AKAP19: variants seen among roughly 807,000 people sequenced by gnomAD.
AKAP19 encodes the protein small A-kinase anchoring protein.
chr2:189,892,448 G>T, the AKAP19 span, among the ~76,000 whole-genome samples: 1 of 152,140 alleles, frequency 6.6e-6, no homozygotes, highest in African/African-American at 2.4e-5. Flanking sequence ...TGATGTTGAT[G>T]CTATTCCTTT....
chr2:190,053,347 G>GA, the AKAP19 span, among the ~76,000 whole-genome samples: 1 of 152,002 alleles, frequency 6.6e-6, no homozygotes, highest in African/African-American at 2.4e-5. Flanking sequence ...TGTAATCTAG[G>GA]AAAAAATATT....
At chr2:190,158,221 G>A in the AKAP19 span, among the ~76,000 whole-genome samples, 5 of 152,164 alleles carry the variant, frequency 3.3e-5, no homozygotes, top group African/African-American at 4.8e-5. Flanking sequence ...CGGGGAGCTC[G>A]GATTTTAAGG....
At chr2:190,162,131 C>T in the AKAP19 span, among the ~76,000 whole-genome samples, 505 of 152,096 alleles carry the variant, frequency 3.3e-3, 2 homozygotes, top group African/African-American at 0.012. Context: ...CATAATTTTA[C>T]CCTTACCTTC....
chr2:190,169,905 G>A, the AKAP19 span, among the ~76,000 whole-genome samples: 1 of 152,232 alleles, frequency 6.6e-6, no homozygotes, highest in Non-Finnish European at 1.5e-5. Context: ...AATTAAGCCT[G>A]CCAAGACACT....
chr2:189,948,365 G>GC, the AKAP19 span, among the ~76,000 whole-genome samples: 1 of 151,396 alleles, frequency 6.6e-6, no homozygotes, highest in Non-Finnish European at 1.5e-5. Flanking sequence ...ACATATGCCT[G>GC]TTTTTTTTGC....
At chr2:190,088,265 T>A in the AKAP19 span, among the ~76,000 whole-genome samples, 1 of 150,986 alleles carries the variant, frequency 6.6e-6, no homozygotes, top group Non-Finnish European at 1.5e-5. Flanking sequence ...ATTTAAGGAG[T>A]GGAGAAAGAG....
the AKAP19 span, among the ~76,000 whole-genome samples, chr2:189,973,210 C>T: frequency 2.0e-5 from 3 of 152,132 alleles, no homozygotes; most frequent in Non-Finnish European, 4.4e-5. Flanking sequence ...TGAATTTTGT[C>T]AAAGGCCTTT....
the AKAP19 span, among the ~76,000 whole-genome samples, chr2:189,981,195 TG>T: frequency 6.6e-6 from 1 of 152,158 alleles, no homozygotes; most frequent in East Asian, 1.9e-4. Context: ...GCTCCAATGT[TG>T]GGTGTATATT....
At chr2:189,920,403 C>A in the AKAP19 span, among the ~76,000 whole-genome samples, 6 of 152,160 alleles carry the variant, frequency 3.9e-5, no homozygotes, top group African/African-American at 1.4e-4. Context: ...AAGTAGAGAG[C>A]ATTATGTTGT....
chr2:190,199,560 G>T, the AKAP19 span: 1 of 314,304 alleles, frequency 3.2e-6, no homozygotes, highest in Non-Finnish European at 5.5e-6. Context: ...TTCTTCTACT[G>T]ATAAGATAAA....
At chr2:190,197,516 T>G in the AKAP19 span, among the ~76,000 whole-genome samples, 1 of 152,290 alleles carries the variant, frequency 6.6e-6, no homozygotes, top group East Asian at 1.9e-4. This position sits in a 1 kb window ranked among gnomAD's most constrained non-coding sequence, Gnocchi z 4.0. Context: ...TTGAACTCTA[T>G]CTTATAAATT....
At chr2:190,185,261 A>G in the AKAP19 span, among the ~76,000 whole-genome samples, 2 of 152,202 alleles carry the variant, frequency 1.3e-5, no homozygotes, top group African/African-American at 4.8e-5. Context: ...GGGAGGAAAA[A>G]AGCTGTCCTC....
the AKAP19 span, among the ~76,000 whole-genome samples, chr2:190,095,222 A>G: frequency 6.6e-6 from 1 of 151,660 alleles, no homozygotes; most frequent in Non-Finnish European, 1.5e-5. Context: ...ACTCTGTCTC[A>G]AAAAAAAAGT....
At chr2:190,157,393 C>CACACACACAT in the AKAP19 span, among the ~76,000 whole-genome samples, 996 of 149,294 alleles carry the variant, frequency 6.7e-3, 20 homozygotes, top group Admixed American at 0.031. Context: ...CACACACACA[C>CACACACACAT]ATATCACAGG....
chr2:190,195,942 T>TTTC, the AKAP19 span, among the ~76,000 whole-genome samples: 160 of 13,868 alleles, frequency 0.012, 1 homozygote, highest in Non-Finnish European at 0.019. Context: ...TGTGTCCAGC[T>TTTC]TTTTTTTTTT....
chr2:190,023,697 C>A, the AKAP19 span, among the ~76,000 whole-genome samples: 1 of 150,526 alleles, frequency 6.6e-6, no homozygotes, highest in Non-Finnish European at 1.5e-5. Context: ...ATTATCTTGC[C>A]AGAAATTTAA....
chr2:190,025,716 G>A, the AKAP19 span, among the ~76,000 whole-genome samples: 1 of 152,146 alleles, frequency 6.6e-6, no homozygotes, highest in African/African-American at 2.4e-5. Context: ...AGATGCCATC[G>A]ATATAACTGA....
At chr2:190,195,451 G>A in the AKAP19 span, among the ~76,000 whole-genome samples, 1 of 152,196 alleles carries the variant, frequency 6.6e-6, no homozygotes, top group South Asian at 2.1e-4. Flanking sequence ...CAGTGAATGA[G>A]AGTTCTGTTG....
chr2:190,091,547 A>ACACACACACACACACACACAC, the AKAP19 span, among the ~76,000 whole-genome samples: 6 of 150,394 alleles, frequency 4.0e-5, no homozygotes, highest in Non-Finnish European at 7.4e-5. Flanking sequence ...TCTTTTGTTA[A>ACACACACACACACACACACAC]ACACACACAC....
Sources: allele counts gnomAD v4.1 joint callset (sites outside exome capture counted in the v4.1 genomes callset), GRCh38; gene constraint gnomAD v4.1.1; non-coding constraint Gnocchi (gnomAD v3.1); transcripts MANE v1.5; gene names NCBI Gene and HGNC (gene_info 2026-07-23, HGNC 2026-07-21).